CCDC178: variants seen among roughly 807,000 people sequenced by gnomAD.
CCDC178 encodes coiled-coil domain-containing protein 178.
CCDC178 carries 126 observed loss-of-function variants against 117.4 expected under a neutral mutation model. The observed-to-expected ratio is 1.07, with a 90% CI of 0.93 to 1.24. The LOEUF is 1.24. Among genes scored for constraint, CCDC178 ranks in the 50% most tolerant of loss-of-function variants. The pLI is 0.00. For missense variants in CCDC178, 1,030 were observed against 986.9 expected (o/e 1.04, Z -0.59); for synonymous variants, 283 against 313.4 (o/e 0.90, Z 1.02).
intron 5 of CCDC178, among the ~76,000 whole-genome samples, chr18:33,370,840 A>C (rs1178611479): frequency 1.3e-5 from 2 of 152,062 alleles, no homozygotes; most frequent in African/African-American, 4.8e-5. Flanking sequence ...AGTGATTCTA[A>C]TCCTAGCATG....
chr18:33,298,895 A>G (rs905066228), intron 11 of CCDC178, among the ~76,000 whole-genome samples: 1 of 152,128 alleles, frequency 6.6e-6, no homozygotes, highest in Non-Finnish European at 1.5e-5. Context: ...TAGCTACAAA[A>G]AAAACTAGAA....
chr18:33,092,701 A>T lies in CCDC178; in HGVS notation c.2388+60T>A, dbSNP rs541949935. ...GAGGCACCCAAACTGACTACTTTTTACTTTTGTAGTGCATATATGACATAA... is the reference window on the plus strand; with the variant it reads ...GAGGCACCCAAACTGACTACTTTTTTCTTTTGTAGTGCATATATGACATAA... On this transcript the variant is annotated intron_variant, in intron 21 of 22. Transcript: ENST00000383096. 69 of 1,194,970 alleles carry T rather than the reference A, an allele frequency of 5.8e-5. No homozygotes were observed. In the South Asian group the frequency reaches 9.6e-4, roughly 17 times the overall value. 74.0% of individuals were successfully genotyped at this position (1,194,970 alleles called of 1,614,324 possible).
intron 18 of CCDC178, among the ~76,000 whole-genome samples, chr18:33,219,865 G>A (rs532562897): frequency 1.6e-4 from 25 of 152,048 alleles, no homozygotes; most frequent in African/African-American, 5.5e-4. Flanking sequence ...CATGGCACAT[G>A]TATACATAAA....
intron 20 of CCDC178, among the ~76,000 whole-genome samples, chr18:33,138,511 T>C (rs1326692156): frequency 6.6e-6 from 1 of 152,152 alleles, no homozygotes. Flanking sequence ...CCTAGGGAAC[T>C]AATGAATTTA....
chr18:33,381,289 A>G (rs1003739256), intron 5 of CCDC178, among the ~76,000 whole-genome samples: 1 of 152,190 alleles, frequency 6.6e-6, no homozygotes, highest in African/African-American at 2.4e-5. Flanking sequence ...CCACTCCACC[A>G]CAATAGCCAG....
intron 20 of CCDC178, among the ~76,000 whole-genome samples, chr18:33,114,167 T>C (rs2057821049): frequency 6.6e-6 from 1 of 152,084 alleles, no homozygotes; most frequent in Non-Finnish European, 1.5e-5. Flanking sequence ...GAGGTTGGTT[T>C]ACTTTCAGGA....
At chr18:33,334,165 A>G (rs1753903870) in intron 9 of CCDC178, among the ~76,000 whole-genome samples, 1 of 152,172 alleles carries the variant, frequency 6.6e-6, no homozygotes, top group African/African-American at 2.4e-5. Flanking sequence ...ATGTAAAAGT[A>G]ACATAAAAAA....
chr18:33,042,364 A>G (rs1427386668), intron 21 of CCDC178, among the ~76,000 whole-genome samples: 1 of 151,960 alleles, frequency 6.6e-6, no homozygotes. Flanking sequence ...TATAGAAAGT[A>G]CAGAGGGCAA....
intron 6 of CCDC178, among the ~76,000 whole-genome samples, chr18:33,368,912 G>A (rs1421677228): frequency 1.3e-5 from 2 of 151,764 alleles, no homozygotes; most frequent in African/African-American, 4.8e-5. Flanking sequence ...ATAAGTGGTA[G>A]TTGTTATAAT....
At chr18:33,333,978 A>G (rs1287683400) in intron 9 of CCDC178, among the ~76,000 whole-genome samples, 1 of 152,168 alleles carries the variant, frequency 6.6e-6, no homozygotes, top group Non-Finnish European at 1.5e-5. Context: ...AAAGTACTCT[A>G]TGTAACTGCT....
At chr18:33,130,467 T>A (rs2058056779) in intron 20 of CCDC178, among the ~76,000 whole-genome samples, 1 of 152,054 alleles carries the variant, frequency 6.6e-6, no homozygotes, top group Non-Finnish European at 1.5e-5. Flanking sequence ...TTGTTGTAAC[T>A]ATTTTACACA....
chr18:33,359,349 A>G (rs1168500131), intron 6 of CCDC178, among the ~76,000 whole-genome samples: 1 of 151,776 alleles, frequency 6.6e-6, no homozygotes, highest in Non-Finnish European at 1.5e-5. Flanking sequence ...TACCTTAGCA[A>G]CTTTGTTTAG....
chr18:33,333,080 A>AC (rs2062691183), intron 10 of CCDC178, 94 bp downstream of exon 10: 2 of 668,914 alleles, frequency 3.0e-6, no homozygotes, highest in Admixed American at 3.1e-5. Context: ...AAAAAAAAAA[A>AC]AAACCTTTAA....
chr18:33,144,143 T>C (rs553782389), intron 20 of CCDC178, among the ~76,000 whole-genome samples: 28 of 152,272 alleles, frequency 1.8e-4, no homozygotes, highest in Admixed American at 1.8e-3. Context: ...GGATTCAAGT[T>C]GCTCTCCAAC....
At chr18:33,358,080 G>A (rs2063080771) in intron 6 of CCDC178, among the ~76,000 whole-genome samples, 1 of 151,938 alleles carries the variant, frequency 6.6e-6, no homozygotes. Flanking sequence ...ACTGAATGCT[G>A]TAGGCAAGTA....
At chr18:33,363,647 T>C (rs2063159153) in intron 6 of CCDC178, among the ~76,000 whole-genome samples, 2 of 152,168 alleles carry the variant, frequency 1.3e-5, no homozygotes, top group South Asian at 4.1e-4. Flanking sequence ...CTATCCCTTC[T>C]TCACTGTGTA....
chr18:33,436,179 A>G (rs1356343488), intron 2 of CCDC178, among the ~76,000 whole-genome samples: 3 of 152,222 alleles, frequency 2.0e-5, no homozygotes, highest in Admixed American at 6.5e-5. Context: ...AACAAGAGAA[A>G]GGAGTTGCAA....
intron 21 of CCDC178, among the ~76,000 whole-genome samples, chr18:33,045,523 A>G (rs1019353463): frequency 3.3e-5 from 5 of 152,228 alleles, no homozygotes; most frequent in Admixed American, 1.3e-4. Flanking sequence ...TGATGTATTC[A>G]ATTTTGTCTC....
At chr18:33,323,873 T>C (rs546765201) in intron 10 of CCDC178, among the ~76,000 whole-genome samples, 11 of 151,738 alleles carry the variant, frequency 7.2e-5, no homozygotes, top group Non-Finnish European at 1.5e-4. Context: ...AATGAAATCA[T>C]TATCTCTTCA....
Sources: allele counts gnomAD v4.1 joint callset (sites outside exome capture counted in the v4.1 genomes callset), GRCh38; gene constraint gnomAD v4.1.1; transcripts MANE v1.5; gene names NCBI Gene and HGNC (gene_info 2026-07-23, HGNC 2026-07-21).